Variants in RSRC1 observed in about 807,000 individuals in gnomAD.
The protein encoded by RSRC1 is serine/Arginine-related protein 53.
Under a neutral mutation model 49.1 loss-of-function variants are expected in RSRC1, and 39 were observed. The ratio of observed to expected loss-of-function variants is 0.79; its 90% CI spans 0.61 to 1.04. The LOEUF (loss-of-function observed/expected upper bound fraction) is 1.04. RSRC1 is among the 50% of genes least tolerant of loss of function. The probability of loss-of-function intolerance (pLI) is 0.00; values close to 1 mark genes in which losing one functional copy is unlikely to be tolerated. For synonymous variants in RSRC1, 143 were observed against 130.8 expected (o/e 1.09, Z -0.63); for missense variants, 388 against 402.4 (o/e 0.96, Z 0.31).
chr3:158,322,669 T>G (rs1426885726), intron 5 of RSRC1, among the ~76,000 whole-genome samples: 2 of 152,198 alleles, frequency 1.3e-5, no homozygotes, highest in East Asian at 3.9e-4. Flanking sequence ...GGCCATTACT[T>G]CCTCAAGTAT....
At chr3:158,500,918 C>T (rs1171367341) in intron 7 of RSRC1, among the ~76,000 whole-genome samples, 2 of 151,386 alleles carry the variant, frequency 1.3e-5, no homozygotes, top group African/African-American at 4.9e-5. Context: ...TTGTTTTTTT[C>T]TTGTTTCTCT....
chr3:158,121,537 T>TAGTTCA (rs1350934672), intron 1 of RSRC1, among the ~76,000 whole-genome samples: 1 of 152,218 alleles, frequency 6.6e-6, no homozygotes, highest in Admixed American at 6.5e-5. Context: ...ATGATGATTA[T>TAGTTCA]AGTTCATTGT....
intron 5 of RSRC1, among the ~76,000 whole-genome samples, chr3:158,305,882 T>C (rs1166107802): frequency 6.6e-6 from 1 of 152,058 alleles, no homozygotes; most frequent in South Asian, 2.1e-4. Context: ...TTCCCCTTAC[T>C]CATAGCGTTG....
At chr3:158,198,865 A>G (rs73166307) in intron 3 of RSRC1, among the ~76,000 whole-genome samples, 18,380 of 152,204 alleles carry the variant, frequency 0.12, 1,384 homozygotes, top group Middle Eastern at 0.2. Context: ...TTATGATCCA[A>G]TATTCTTCTT....
intron 5 of RSRC1, among the ~76,000 whole-genome samples, chr3:158,334,219 G>GA (rs1320203662): frequency 6.6e-6 from 1 of 151,956 alleles, no homozygotes; most frequent in Non-Finnish European, 1.5e-5. Flanking sequence ...TTTCATTTTA[G>GA]AAAAAATTTA....
intron 5 of RSRC1, among the ~76,000 whole-genome samples, chr3:158,329,106 C>G (rs1224628421): frequency 6.6e-6 from 1 of 151,328 alleles, no homozygotes; most frequent in African/African-American, 2.4e-5. Flanking sequence ...TTAAGGACTT[C>G]TCTACTCTGG....
intron 5 of RSRC1, among the ~76,000 whole-genome samples, chr3:158,312,388 T>C (rs949348756): frequency 6.6e-6 from 1 of 152,164 alleles, no homozygotes; most frequent in Non-Finnish European, 1.5e-5. Flanking sequence ...GAGTGTCAGT[T>C]ATTTATCAGG....
At chr3:158,282,116 A>G (rs941156362) in intron 4 of RSRC1, among the ~76,000 whole-genome samples, 1 of 152,194 alleles carries the variant, frequency 6.6e-6, no homozygotes, top group African/African-American at 2.4e-5. Flanking sequence ...TGTGCTTATC[A>G]AAGAGCTTCA....
chr3:158,238,973 C>CA (rs1723404849), intron 4 of RSRC1, among the ~76,000 whole-genome samples: 2 of 151,928 alleles, frequency 1.3e-5, no homozygotes, highest in Admixed American at 6.6e-5. Flanking sequence ...ACTCGTCTGA[C>CA]AAAAGGCTAA....
chr3:158,216,320 T>C lies in RSRC1; in HGVS notation c.494+13075T>C, dbSNP rs546482841. On this transcript the variant is annotated intron_variant, in intron 4 of 9. Coordinates refer to ENST00000611884, the MANE Select transcript of RSRC1 (RefSeq NM_001271838.2). ...TCACTTTCTCTTTTTTTAAAAAAAA[T>C]CTATTATGTCTAATCTGCTAAGTGT... Among the ~76,000 whole-genome samples the C allele has an allele frequency of 2.6e-5, 4 of 151,618 alleles. No homozygotes were observed. The South Asian group carries it at 8.3e-4, about 31-fold the overall frequency.
At chr3:158,382,294 GT>G (rs1732745313) in intron 6 of RSRC1, among the ~76,000 whole-genome samples, 1 of 152,028 alleles carries the variant, frequency 6.6e-6, no homozygotes, top group South Asian at 2.1e-4. Context: ...GCCTGAGGCT[GT>G]TTTACAGTTA....
chr3:158,493,728 C>T (rs1350300190), intron 7 of RSRC1, among the ~76,000 whole-genome samples: 1 of 152,154 alleles, frequency 6.6e-6, no homozygotes, highest in Non-Finnish European at 1.5e-5. Context: ...CAGCATTTGA[C>T]TCATTTGGAC....
chr3:158,428,361 G>A (rs1021651315), intron 6 of RSRC1, among the ~76,000 whole-genome samples: 1 of 151,794 alleles, frequency 6.6e-6, no homozygotes, highest in African/African-American at 2.4e-5. Context: ...AAAGGGATGA[G>A]GGCACTACTC....
At chr3:158,335,927 A>G (rs550362875) in intron 5 of RSRC1, among the ~76,000 whole-genome samples, 16 of 152,166 alleles carry the variant, frequency 1.1e-4, no homozygotes, top group Non-Finnish European at 1.6e-4. Context: ...GATAGTAGAG[A>G]TTCTGAAACT....
At chr3:158,279,275 G>T (rs192677617) in intron 4 of RSRC1, among the ~76,000 whole-genome samples, 50 of 152,260 alleles carry the variant, frequency 3.3e-4, no homozygotes, top group South Asian at 1.4e-3. Context: ...ATTGTTAATC[G>T]CATTAAAGCA....
intron 6 of RSRC1, among the ~76,000 whole-genome samples, chr3:158,408,917 C>T (rs1334740906): frequency 6.6e-6 from 1 of 152,002 alleles, no homozygotes; most frequent in African/African-American, 2.4e-5. Context: ...CTTGTAATCC[C>T]AGCTACTTGG....
chr3:158,316,639 T>A (rs1187690083), intron 5 of RSRC1, among the ~76,000 whole-genome samples: 7 of 151,790 alleles, frequency 4.6e-5, no homozygotes, highest in African/African-American at 1.7e-4. Flanking sequence ...AGAGACGGGG[T>A]TTCACTGTGT....
intron 6 of RSRC1, among the ~76,000 whole-genome samples, chr3:158,416,990 A>G (rs1734770051): frequency 6.6e-6 from 1 of 152,086 alleles, no homozygotes; most frequent in Admixed American, 6.6e-5. Flanking sequence ...TATATTTCTT[A>G]TAATTTTCAC....
chr3:158,393,297 A>G (rs531192829), intron 6 of RSRC1, among the ~76,000 whole-genome samples: 1 of 152,198 alleles, frequency 6.6e-6, no homozygotes, highest in South Asian at 2.1e-4. Flanking sequence ...AGCTAGTAGA[A>G]GACAAGAAAT....
Sources: gnomAD v4.1 joint callset for allele counts (sites outside exome capture counted in the v4.1 genomes callset) on GRCh38, gnomAD v4.1.1 for gene constraint, MANE v1.5 for transcripts, NCBI Gene and HGNC (gene_info 2026-07-23, HGNC 2026-07-21) for gene names.